PRX: variants seen among roughly 807,000 people sequenced by gnomAD.
PRX encodes periaxin.
Under a neutral mutation model 29.6 loss-of-function variants are expected in PRX, and 24 were observed. The observed-to-expected ratio is 0.81, with a 90% confidence interval of 0.59 to 1.14. The LOEUF is 1.14. Ranked by LOEUF, PRX falls within the 50% of genes most tolerant of loss-of-function variation. The pLI is 0.00. For synonymous variants in PRX, 772 were observed against 831.7 expected, an observed-to-expected ratio of 0.93 and a Z score of 1.24; for missense variants, 1,838 against 1,926.4, an observed-to-expected ratio of 0.95 and a Z score of 0.86.
chr19:40,408,482 G>C (rs1450744236), intron 1 of PRX, 99 bp from the exon 2 acceptor site: 1 of 167,866 alleles, frequency 6.0e-6, no homozygotes, highest in Non-Finnish European at 1.3e-5. Context: ...TATCCCCGTC[G>C]TGCAGGTGGG....
intron 1 of PRX, among the ~76,000 whole-genome samples, chr19:40,409,853 G>A (rs2079550737): frequency 6.6e-6 from 1 of 152,134 alleles, no homozygotes; most frequent in Non-Finnish European, 1.5e-5. Context: ...ATGGCCCTCA[G>A]CACAGCCTTG....
chr19:40,397,144 G>A lies in PRX; in HGVS notation c.1208C>T (p.Pro403Leu). Residue 403 changes from proline (P) to leucine (L), a missense_variant, in exon 7 of 7, where the codon CCC becomes CTC. Around this residue, in one of 3 missense-constraint regions of PRX, gnomAD observed 666 missense variants for 665.0 expected, o/e 1.00. Coordinates refer to ENST00000324001, the MANE Select transcript of PRX (RefSeq NM_181882.3). ...TACAACTTCAGGAGCAGCGGGCCGGGGCTCCAAGAGGGAAAGCCCAAAGGT... is the reference window on the plus strand; with the variant it reads ...TACAACTTCAGGAGCAGCGGGCCGGAGCTCCAAGAGGGAAAGCCCAAAGGT... ...MPTFGLSLLE[P>L]RPAAPEVVES... 1.2e-6 allele frequency: 2 copies of A among 1,614,164 alleles called. No individual in the cohort carries two copies. Among genetic ancestry groups the A allele is most frequent in the Non-Finnish European group, 1.7e-6 (2 of 1,180,034 alleles).
chr19:40,401,104 C>A (rs1476549121), intron 5 of PRX, among the ~76,000 whole-genome samples: 1 of 152,174 alleles, frequency 6.6e-6, no homozygotes, highest in African/African-American at 2.4e-5. Flanking sequence ...CTGGACAACC[C>A]TCTTTCCATC....
rs531527827 is a variant in PRX at position 40,398,716 on chromosome 19, G to A, written c.285C>T (p.Cys95=). Residue 95 remains cysteine, a synonymous_variant, in exon 6 of 7, where the codon TGC becomes TGT. Transcript: ENST00000324001. This position sits in a 1 kb window ranked among gnomAD's most constrained non-coding sequence, Gnocchi z 6.3. ...QCAEPYKVSF[C]LKRTVPTGDL... ...CCCCGGTGGGCACAGTGCGCTTCAG[G>A]CAGAAGGAGACTTTGTAAGGCTCGG... 71 of 1,614,092 alleles carry A rather than the reference G, an allele frequency of 4.4e-5. 1 individual carries two copies. The African/African-American group carries it at 7.5e-4, about 17-fold the overall frequency.
chr19:40,399,864 TTTC>T (rs1395150555), intron 5 of PRX, among the ~76,000 whole-genome samples: 4 of 64,532 alleles, frequency 6.2e-5, no homozygotes, highest in African/African-American at 2.7e-4. Context: ...TCTTTCTTTC[TTTC>T]TTTCTTTCTT....
At position 40,404,894 on chromosome 19, in the gene PRX, A is replaced by C. The variant is rs547107650; in HGVS notation, c.28-1032T>G. 5.3e-5 allele frequency among the ~76,000 whole-genome samples: 8 copies of C among 152,066 alleles called. No individual in the cohort carries two copies. The East Asian group carries it at 1.5e-3, about 29-fold the overall frequency. On this transcript the variant is annotated intron_variant, in intron 4 of 6. Coordinates refer to ENST00000324001, the MANE Select transcript of PRX (RefSeq NM_181882.3). ...TGGCCCGGAGACCCATATTCTACAA[A>C]CTGAATTTAACTATGGGGGAGGGGC...
chr19:40,414,677 G>T (rs1599669706), upstream of PRX, among the ~76,000 whole-genome samples: 1 of 152,040 alleles, frequency 6.6e-6, no homozygotes, highest in Admixed American at 6.6e-5. Flanking sequence ...CCCTGGTCCA[G>T]CCCCCAGCCT....
rs768307017 is a variant in PRX at position 40,398,627 on chromosome 19, G to T, written c.374C>A (p.Ala125Asp). The change falls in exon 6 of 7, where the codon GCC (alanine) becomes GAC (aspartate). Residue 125 changes from alanine to aspartate, a missense_variant. Physicochemically the swap from Ala to Asp is moderately radical, Grantham distance 126 (BLOSUM62 -2). Transcript: ENST00000324001. This position sits in a 1 kb window ranked among gnomAD's most constrained non-coding sequence, Gnocchi z 6.3. ...YEIKGPRAKV[A>D]KLNIQSLSPV... ...CGGGCTAAGCACGCGTACCAGCTTG[G>T]CCACCTTGGCCCGCGGGCCCTTGAT... The T allele has an allele frequency of 6.2e-7, 1 of 1,613,478 alleles. No homozygotes were observed. Among genetic ancestry groups the T allele is most frequent in the Non-Finnish European group, 8.5e-7 (1 of 1,179,842 alleles).
Position 40,397,423 on chromosome 19 carries a change from G to C in PRX, c.929C>G (p.Pro310Arg). The C allele has an allele frequency of 6.2e-7, 1 of 1,606,030 alleles. No homozygotes were observed. The highest frequency in any genetic ancestry group is 1.1e-5 in the South Asian group (1 of 90,156). The change falls in exon 7 of 7, where the codon CCC (proline) becomes CGC (arginine). Residue 310 changes from proline to arginine, a missense_variant. This residue lies in a region of PRX where 666 missense variants were observed against 665.0 expected (regional missense o/e 1.00). Transcript: ENST00000324001. ...LPSLPTLPTLPCLETREGAVS... is the reference protein window; with the variant it reads ...LPSLPTLPTLRCLETREGAVS... ...AGCCCCTTCCCGGGTCTCTAGGCAG[G>C]GAAGTGTGGGCAGAGTGGGCAGTGA...
At chr19:40,406,137 C>A (rs2079528829) in intron 4 of PRX, among the ~76,000 whole-genome samples, 1 of 151,474 alleles carries the variant, frequency 6.6e-6, no homozygotes. Context: ...ATCCCAGCTA[C>A]TCGGGAGACT....
intron 1 of PRX, among the ~76,000 whole-genome samples, chr19:40,411,464 G>A (rs1268743942): frequency 6.6e-6 from 1 of 152,162 alleles, no homozygotes; most frequent in Non-Finnish European, 1.5e-5. Flanking sequence ...GAACCTTGTA[G>A]GTGGTAGTAG....
Position 40,395,393 on chromosome 19 carries a change from G to C in PRX, c.2959C>G (p.Pro987Ala), listed in dbSNP as rs935218572. 6.8e-6 allele frequency: 11 copies of C among 1,613,844 alleles called. No homozygotes were observed. In the African/African-American group the frequency reaches 1.3e-4, roughly 20 times the overall value. ...AKGAGEAGLL[P>A]ALDLSIPQLS... ...TGTGGGATGGACAGATCGAGGGCAGGCAGCAGGCCTGCCTCCCCAGCCCCT... is the reference window on the plus strand; with the variant it reads ...TGTGGGATGGACAGATCGAGGGCAGCCAGCAGGCCTGCCTCCCCAGCCCCT... The change falls in exon 7 of 7, where the codon CCT becomes GCT. Residue 987 changes from proline to alanine, a missense_variant. Around this residue, in one of 3 missense-constraint regions of PRX, gnomAD observed 1,143 missense variants for 1,193.0 expected, o/e 0.96. Coordinates refer to ENST00000324001, the MANE Select transcript of PRX (RefSeq NM_181882.3).
chr19:40,399,863 C>CTTTCTTTCTT (rs1298409772), intron 5 of PRX, among the ~76,000 whole-genome samples: 2 of 63,458 alleles, frequency 3.2e-5, no homozygotes, highest in East Asian at 2.5e-4. Context: ...TTCTTTCTTT[C>CTTTCTTTCTT]TTTCTTTCTT....
chr19:40,397,508 C>G lies in PRX; in HGVS notation c.844G>C (p.Ala282Pro), dbSNP rs769945580. Reference sequence around the variant, plus strand: ...ATTCCCACGGCTGGGGCCTCCACAGCAGGCGGAGCCGGGGCTCCGAGCCCA... The same window carrying G: ...ATTCCCACGGCTGGGGCCTCCACAGGAGGCGGAGCCGGGGCTCCGAGCCCA... ...TLGLGAPAPP[A>P]VEAPAVGIQV... Residue 282 changes from alanine to proline, a missense_variant, in exon 7 of 7, where the codon GCT (alanine) becomes CCT (proline). This residue lies in a region of PRX where 666 missense variants were observed against 665.0 expected (regional missense o/e 1.00). Coordinates refer to ENST00000324001, the MANE Select transcript of PRX (RefSeq NM_181882.3). The G allele has an allele frequency of 1.9e-6, 3 of 1,550,278 alleles. No individual in the cohort carries two copies. Among genetic ancestry groups the G allele is most frequent in the Non-Finnish European group, 2.6e-6 (3 of 1,149,396 alleles).
chr19:40,405,796 G>A (rs1200403912), intron 4 of PRX, among the ~76,000 whole-genome samples: 6 of 151,192 alleles, frequency 4.0e-5, no homozygotes, highest in Non-Finnish European at 7.4e-5. Context: ...ACGCCACCAC[G>A]CCCAGCTAAT....
In PRX at chr19:40,407,909, G is replaced by C; in HGVS notation, c.24C>G (p.Ala8=). ...TGCAGGACACGTGGGCACTCACCTC[G>C]GCACTCCGGCTCCTGGCCTCCATGG... is the stretch of plus-strand genomic sequence containing the variant. The part of the protein sequence containing the change: MEARSRS[A]EELRRAELVE... Residue 8 remains alanine (A), a synonymous_variant, in exon 4 of 7, where the codon GCC becomes GCG. Coordinates refer to ENST00000324001, the MANE Select transcript of PRX (RefSeq NM_181882.3). 6.2e-7 allele frequency: 1 copy of C among 1,613,584 alleles called. No homozygotes were observed. The highest frequency in any genetic ancestry group is 1.3e-5 in the African/African-American group (1 of 75,050).
Position 40,394,654 on chromosome 19 carries a change from G to C in PRX, c.3698C>G (p.Ala1233Gly). 1 of 1,607,958 alleles carries C rather than the reference G, an allele frequency of 6.2e-7. No homozygotes were observed. Among genetic ancestry groups the C allele is most frequent in the East Asian group, 2.2e-5 (1 of 44,854 alleles). Residue 1233 changes from alanine (A) to glycine (G), a missense_variant, in exon 7 of 7, where the codon GCG becomes GGG. Around this residue, in one of 3 missense-constraint regions of PRX, gnomAD observed 1,143 missense variants for 1,193.0 expected, o/e 0.96. Coordinates refer to ENST00000324001, the MANE Select transcript of PRX (RefSeq NM_181882.3). This position sits in a 1 kb window ranked among gnomAD's most constrained non-coding sequence, Gnocchi z 5.8. Reference sequence around the variant, plus strand: ...ACCCTCGCCTGTGGCCGCCTCGCCCGCCTGTGCCTCTCGGCTTAGCCCCAC... The same window carrying C: ...ACCCTCGCCTGTGGCCGCCTCGCCCCCCTGTGCCTCTCGGCTTAGCCCCAC... ...LDVGLSREAQ[A>G]GEAATGEGGL... is the part of the protein sequence containing the mutation.
intron 5 of PRX, among the ~76,000 whole-genome samples, chr19:40,403,036 G>A (rs1277898900): frequency 1.3e-5 from 2 of 151,974 alleles, no homozygotes; most frequent in African/African-American, 4.8e-5. Flanking sequence ...CGGGCGTGGT[G>A]GAGGGGACCT....
At chr19:40,407,527 C>G (rs934987670) in intron 4 of PRX, 6 of 361,952 alleles carry the variant, frequency 1.7e-5, no homozygotes, top group Admixed American at 7.9e-5. Flanking sequence ...TCTCAAACTC[C>G]TAGGCTTTAG....
Sources: gnomAD v4.1 joint callset for allele counts (sites outside exome capture counted in the v4.1 genomes callset) on GRCh38, gnomAD v4.1.1 for gene constraint, gnomAD v4.1.1 regional missense constraint, Gnocchi (gnomAD v3.1) non-coding constraint, MANE v1.5 for transcripts, NCBI Gene and HGNC (gene_info 2026-07-23, HGNC 2026-07-21) for gene names.